SMAP2: variants seen among roughly 807,000 people sequenced by gnomAD.
SMAP2 encodes the protein small ArfGAP2, also known as stromal membrane-associated protein 2.
SMAP2 carries 25 observed loss-of-function variants against 56.4 expected under a neutral mutation model. That is an observed-to-expected ratio of 0.44 (90% CI 0.32 to 0.62). The LOEUF (loss-of-function observed/expected upper bound fraction) is 0.62, where lower values mean the gene tolerates loss of function less well. Among genes scored for constraint, SMAP2 ranks in the 20% least tolerant of loss-of-function variants. The pLI, the probability that SMAP2 is intolerant of heterozygous loss-of-function variation, is 0.04. For synonymous variants in SMAP2, 157 were observed against 181.7 expected, an observed-to-expected ratio of 0.86 and a Z score of 1.09; for missense variants, 388 against 545.6, an observed-to-expected ratio of 0.71 and a Z score of 2.88.
chr1:40,374,516 T>TG lies in SMAP2; in HGVS notation c.103+296dup. On this transcript the variant is annotated intron_variant, in intron 1 of 9. Coordinates refer to ENST00000372718, the MANE Select transcript of SMAP2 (RefSeq NM_022733.3). This position sits in a 1 kb window ranked among gnomAD's most constrained non-coding sequence, Gnocchi z 5.9. ...GTATTTGAGGGCTCTGAATGAGTTC[T>TG]GGGCCGGCTGTCCAGAGAGAGCTCC... 1 of 820,684 alleles carries TG rather than the reference T, an allele frequency of 1.2e-6. No homozygotes were observed. The highest frequency in any genetic ancestry group is 2.0e-6 in the Non-Finnish European group (1 of 501,280). 50.8% of individuals were successfully genotyped at this position (820,684 alleles called of 1,614,324 possible).
chr1:40,395,446 C>G (rs1046335790), intron 1 of SMAP2, among the ~76,000 whole-genome samples: 1 of 152,014 alleles, frequency 6.6e-6, no homozygotes, highest in African/African-American at 2.4e-5. Flanking sequence ...CTTTGGGAGG[C>G]CAAGGTGGGA....
intron 1 of SMAP2, among the ~76,000 whole-genome samples, chr1:40,403,064 ATATTT>A (rs1644851312): frequency 6.6e-6 from 1 of 152,172 alleles, no homozygotes; most frequent in East Asian, 1.9e-4. Flanking sequence ...TTTTCAAGAA[ATATTT>A]TAAGAGAAAT....
intron 1 of SMAP2, among the ~76,000 whole-genome samples, chr1:40,390,810 T>G (rs750528490): frequency 6.6e-6 from 1 of 152,208 alleles, no homozygotes; most frequent in Non-Finnish European, 1.5e-5. Flanking sequence ...TTTCTCCAAC[T>G]GTGCTTAGAC....
chr1:40,395,824 C>T (rs1644765546), intron 1 of SMAP2, among the ~76,000 whole-genome samples: 1 of 152,156 alleles, frequency 6.6e-6, no homozygotes, highest in South Asian at 2.1e-4. Context: ...CTGTTGATTT[C>T]TTTGTGTTAC....
At chr1:40,405,569 T>C (rs988737007) in intron 1 of SMAP2, among the ~76,000 whole-genome samples, 1 of 152,222 alleles carries the variant, frequency 6.6e-6, no homozygotes, top group Non-Finnish European at 1.5e-5. Flanking sequence ...CTTGTGCTCG[T>C]TGTCGTTCCA....
intron 1 of SMAP2, among the ~76,000 whole-genome samples, chr1:40,393,967 G>A (rs767660996): frequency 2.0e-4 from 31 of 152,062 alleles, no homozygotes; most frequent in Non-Finnish European, 2.9e-5. Context: ...ATTCCAAGTT[G>A]CCATTATCCA....
Position 40,423,080 on chromosome 1 carries a change from C to T in SMAP2, c.*979C>T, listed in dbSNP as rs557493972. The T allele has an allele frequency of 6.5e-6, 1 of 152,748 alleles. No individual in the cohort carries two copies. The highest frequency in any genetic ancestry group is 1.9e-4 in the East Asian group (1 of 5,184). 9.5% of individuals were successfully genotyped at this position (152,748 alleles called of 1,614,324 possible). On this transcript the variant is annotated 3_prime_UTR_variant, in exon 10 of 10. Transcript: ENST00000372718. ...ATGTCATTGATAACTCCCTTTCTCC[C>T]TTCCCTTCTCCCGGTCTGCTGATCA...
At chr1:40,421,909 C>T in intron 9 of SMAP2, 67 bp from the exon 10 acceptor site, 2 of 1,593,876 alleles carry the variant, frequency 1.3e-6, no homozygotes, top group South Asian at 1.1e-5. Flanking sequence ...GGACTCTCAC[C>T]CTGCCTTTTG....
chr1:40,415,582 G>GA lies in SMAP2; in HGVS notation c.681+201_681+202insA, dbSNP rs553989503. On this transcript the variant is annotated intron_variant, in intron 7 of 9. Coordinates refer to ENST00000372718, the MANE Select transcript of SMAP2 (RefSeq NM_022733.3). ...CCTTTTTTTCTCCTGCTCAAAAAGG[G>GA]TGGGCCATTTGAGTTGCTTCTCTGG... is the stretch of plus-strand genomic sequence containing the variant. Among the ~76,000 whole-genome samples the GA allele has an allele frequency of 2.6e-3, 402 of 152,210 alleles. 4 individuals are homozygous for GA. Among genetic ancestry groups the GA allele is most frequent in the African/African-American group, 9.2e-3 (384 of 41,528 alleles).
chr1:40,356,441 C>T (rs1394016352), intron 1 of SMAP2, among the ~76,000 whole-genome samples: 14 of 145,454 alleles, frequency 9.6e-5, no homozygotes, highest in Non-Finnish European at 1.6e-4. Context: ...GACCAAGTCT[C>T]GCTCTGTCGC....
chr1:40,403,861 G>A (rs1460385237), intron 1 of SMAP2: 1 of 157,898 alleles, frequency 6.3e-6, no homozygotes, highest in African/African-American at 2.4e-5. Flanking sequence ...TGCTTTGGGA[G>A]GCTGAGGCGA....
chr1:40,348,675 C>A (rs1003273238), intron 1 of SMAP2, among the ~76,000 whole-genome samples: 15 of 148,314 alleles, frequency 1.0e-4, no homozygotes, highest in Non-Finnish European at 1.9e-4. Flanking sequence ...AGACTCTGTC[C>A]CCCCTCAAAA....
intron 1 of SMAP2, among the ~76,000 whole-genome samples, chr1:40,405,971 AG>A (rs1644882142): frequency 6.6e-6 from 1 of 152,228 alleles, no homozygotes; most frequent in South Asian, 2.1e-4. Flanking sequence ...CATCAGCCTA[AG>A]GGGAAAAGAT....
chr1:40,407,439 A>G (rs1445379040), intron 2 of SMAP2, among the ~76,000 whole-genome samples: 1 of 152,146 alleles, frequency 6.6e-6, no homozygotes, highest in African/African-American at 2.4e-5. Flanking sequence ...GCGGTTAGTC[A>G]TGATCATGCC....
At chr1:40,406,986 CACTT>C in intron 2 of SMAP2, 117 bp downstream of exon 2, 1 of 1,050,398 alleles carries the variant, frequency 9.5e-7, no homozygotes, top group Non-Finnish European at 1.4e-6. Flanking sequence ...AGTTGTTAAA[CACTT>C]AACATCAGAT....
chr1:40,414,086 G>A, intron 5 of SMAP2, 73 bp from the exon 6 acceptor site: 1 of 1,351,672 alleles, frequency 7.4e-7, no homozygotes, highest in Non-Finnish European at 1.1e-6. Flanking sequence ...GAACACCGTG[G>A]CTTTACAGTG....
chr1:40,405,845 T>C (rs1409861488), intron 1 of SMAP2, among the ~76,000 whole-genome samples: 1 of 152,168 alleles, frequency 6.6e-6, no homozygotes, highest in African/African-American at 2.4e-5. Context: ...GATGGGAGAT[T>C]CTGTAACAGT....
chr1:40,401,575 T>G (rs1477472997), intron 1 of SMAP2, among the ~76,000 whole-genome samples: 1 of 152,202 alleles, frequency 6.6e-6, no homozygotes, highest in Non-Finnish European at 1.5e-5. Context: ...CTTGAAGTCC[T>G]CCATCACGCT....
intron 1 of SMAP2, among the ~76,000 whole-genome samples, chr1:40,398,342 G>A (rs202119096): frequency 6.6e-6 from 1 of 151,956 alleles, no homozygotes; most frequent in Non-Finnish European, 1.5e-5. Flanking sequence ...CAGTACTCCC[G>A]CTCAGCCTCC....
Sources: allele counts gnomAD v4.1 joint callset (sites outside exome capture counted in the v4.1 genomes callset), GRCh38; gene constraint gnomAD v4.1.1; non-coding constraint Gnocchi (gnomAD v3.1); transcripts MANE v1.5; gene names NCBI Gene and HGNC (gene_info 2026-07-23, HGNC 2026-07-21).